Variants in ZKSCAN2 observed in about 807,000 individuals in gnomAD.
The protein encoded by ZKSCAN2 is zinc finger protein with KRAB and SCAN domains 2.
A neutral mutation model predicts 90.5 loss-of-function variants in ZKSCAN2; 38 were observed. The ratio of observed to expected loss-of-function variants is 0.42; its 90% CI spans 0.32 to 0.55. The LOEUF (loss-of-function observed/expected upper bound fraction) is 0.55. Among genes scored for constraint, ZKSCAN2 ranks in the 20% least tolerant of loss-of-function variants. ZKSCAN2 has a pLI of 0.11. For synonymous variants in ZKSCAN2, 429 were observed against 421.6 expected (o/e 1.02, Z -0.22); for missense variants, 1,167 against 1,202.6 (o/e 0.97, Z 0.44).
chr16:25,237,786 A>G lies in ZKSCAN2; in HGVS notation c.*2030T>C, dbSNP rs563065670. On this transcript the variant is annotated 3_prime_UTR_variant, in exon 7 of 7. Coordinates refer to ENST00000328086, the MANE Select transcript of ZKSCAN2 (RefSeq NM_001012981.5). The stretch of plus-strand genomic sequence containing the variant: ...CTTTCCTGAATCATGCTTCCACATA[A>G]TATCAATCCTGTGTACATATTATTA... The G allele has an allele frequency of 2.0e-5, 3 of 152,268 alleles. No homozygotes were observed. The highest frequency in any genetic ancestry group is 1.3e-4 in the Admixed American group (2 of 15,290). The allele number at this position is 152,268 out of a possible 1,614,324, so 9.4% of individuals were successfully genotyped here. A position where few individuals can be genotyped will look rare whatever the true frequency, so the allele number is the denominator to read the frequency against.
rs1963110908 is a variant in ZKSCAN2 at position 25,256,872 on chromosome 16, C to T, written c.256G>A (p.Glu86Lys). The T allele has an allele frequency of 6.2e-7, 1 of 1,614,104 alleles. No individual in the cohort carries two copies. The highest frequency in any genetic ancestry group is 1.3e-5 in the African/African-American group (1 of 74,924). ...AGAAACTGCTCAATCACCAGCAGCTCAAGTATTTGCTCCTTGGAACGCATT... is the reference window on the plus strand; with the variant it reads ...AGAAACTGCTCAATCACCAGCAGCTTAAGTATTTGCTCCTTGGAACGCATT... ...PEMRSKEQIL[E>K]LLVIEQFLTI... is the part of the protein sequence containing the mutation. The change falls in exon 1 of 7, where the codon GAG (glutamate) becomes AAG (lysine). Residue 86 changes from glutamate (E) to lysine (K), a missense_variant. Transcript: ENST00000328086.
rs115715802 is a variant in ZKSCAN2, at chr16:25,243,639, A to G, written c.1981+146T>C. 4.7e-3 allele frequency: 4,906 copies of G among 1,036,650 alleles called. 167 individuals carry two copies. The African/African-American group carries it at 0.07, about 15-fold the overall frequency. 64.2% of individuals were successfully genotyped at this position (1,036,650 alleles called of 1,614,324 possible). On this transcript the variant is annotated intron_variant, in intron 6 of 6. Coordinates refer to ENST00000328086, the MANE Select transcript of ZKSCAN2 (RefSeq NM_001012981.5). ...CCACCATGCCAAGAACATCACTGCT[A>G]TATCCCCTGTTCTTCAAGTAGCACA...
chr16:25,247,487 C>T, intron 4 of ZKSCAN2, 97 bp from the exon 5 acceptor site: 2 of 1,005,460 alleles, frequency 2.0e-6, no homozygotes, highest in Non-Finnish European at 2.9e-6. Context: ...CACTTGTTCA[C>T]ACCCAAACCT....
intron 1 of ZKSCAN2, among the ~76,000 whole-genome samples, chr16:25,256,374 C>T (rs970306765): frequency 2.0e-5 from 3 of 151,212 alleles, no homozygotes; most frequent in African/African-American, 4.9e-5. Flanking sequence ...AACAGAATAG[C>T]CTTTTTTGAT....
intron 5 of ZKSCAN2, 133 bp from the exon 6 acceptor site, chr16:25,244,409 G>A (rs938869264): frequency 1.1e-6 from 1 of 906,764 alleles, no homozygotes; most frequent in Non-Finnish European, 1.6e-6. Flanking sequence ...ATATGCCTAG[G>A]AATAAGCTTT....
chr16:25,251,786 C>T, intron 4 of ZKSCAN2, 123 bp downstream of exon 4: 1 of 1,181,532 alleles, frequency 8.5e-7, no homozygotes, highest in Non-Finnish European at 1.2e-6. Flanking sequence ...TAAGTGATTA[C>T]ACTAGACAAT....
Position 25,247,047 on chromosome 16 carries a change from T to G in ZKSCAN2, c.1149A>C (p.Glu383Asp), listed in dbSNP as rs1481198951. 2 of 1,614,216 alleles carry G rather than the reference T, an allele frequency of 1.2e-6. No homozygotes were observed. Among genetic ancestry groups the G allele is most frequent in the African/African-American group, 2.7e-5 (2 of 75,058 alleles). The change falls in exon 5 of 7, where the codon GAA (glutamate) becomes GAC (aspartate). Residue 383 changes from glutamate (E) to aspartate (D), a missense_variant. Physicochemically the swap from Glu to Asp is conservative, Grantham distance 45. Coordinates refer to ENST00000328086, the MANE Select transcript of ZKSCAN2 (RefSeq NM_001012981.5). ...GTTCTGGGGTTCTAAGGAAGCCACA[T>G]TCTCGCAACCATTCAGCCACAGCAC... is the stretch of plus-strand genomic sequence containing the variant. ...VYGAVAEWLR[E>D]CGFLRTPEQC...
intron 1 of ZKSCAN2, among the ~76,000 whole-genome samples, chr16:25,256,520 A>C (rs1365604048): frequency 6.6e-6 from 1 of 152,098 alleles, no homozygotes; most frequent in Non-Finnish European, 1.5e-5. Context: ...ATAATATTTC[A>C]ATCAAAGCTT....
Position 25,257,550 on chromosome 16 carries a change from C to T in ZKSCAN2, c.-423G>A. The T allele has an allele frequency of 1.0e-6, 1 of 981,564 alleles. No individual in the cohort carries two copies. Among genetic ancestry groups the T allele is most frequent in the Non-Finnish European group, 1.2e-6 (1 of 826,080 alleles). The allele number at this position is 981,564 out of a possible 1,614,324, so 60.8% of individuals were successfully genotyped here. Reference sequence around the variant, plus strand: ...GAGGCGAGTCCCCGAGTGGGTGGGGCCGGATGTGCAGGCCCCGCCCGGCGC... The same window carrying T: ...GAGGCGAGTCCCCGAGTGGGTGGGGTCGGATGTGCAGGCCCCGCCCGGCGC... On this transcript the variant is annotated 5_prime_UTR_variant, in exon 1 of 7. Coordinates refer to ENST00000328086, the MANE Select transcript of ZKSCAN2 (RefSeq NM_001012981.5).
chr16:25,239,190 G>A lies in ZKSCAN2; in HGVS notation c.*626C>T, dbSNP rs1319061264. ...TCAATTGCTTCTCACCTCCATGGAG[G>A]GCAAGGCATTAGTAACAGGATTTCA... On this transcript the variant is annotated 3_prime_UTR_variant, in exon 7 of 7. Transcript: ENST00000328086. The A allele has an allele frequency of 6.6e-6, 1 of 152,270 alleles. No homozygotes were observed. Among genetic ancestry groups the A allele is most frequent in the Non-Finnish European group, 1.5e-5 (1 of 68,030 alleles). 9.4% of individuals were successfully genotyped at this position (152,270 alleles called of 1,614,324 possible).
chr16:25,239,858 GT>G lies in ZKSCAN2; in HGVS notation c.2861del (p.Asn954ThrfsTer30). 1.2e-6 allele frequency: 2 copies of G among 1,605,808 alleles called. No individual in the cohort carries two copies. Among genetic ancestry groups the G allele is most frequent in the Non-Finnish European group, 1.7e-6 (2 of 1,177,736 alleles). On this transcript the variant is annotated frameshift_variant, in exon 7 of 7. Coordinates refer to ENST00000328086, the MANE Select transcript of ZKSCAN2 (RefSeq NM_001012981.5). LOFTEE classifies it high-confidence loss of function. ...ATTCATCAGTCTTTCCCTTATGTGG[GT>G]TCTCAGGGCAATACAGAGATGGAGG... Reference protein sequence around the residue: ...PHPPSLYCPENPHKGKTDEFR... With the variant: ...PHPPSLYCPEXPHKGKTDEFR...
chr16:25,237,135 T>TA lies in ZKSCAN2; in HGVS notation c.*2680dup, dbSNP rs996749656. On this transcript the variant is annotated 3_prime_UTR_variant, in exon 7 of 7. Coordinates refer to ENST00000328086, the MANE Select transcript of ZKSCAN2 (RefSeq NM_001012981.5). The stretch of plus-strand genomic sequence containing the variant: ...GCTTTCCTTGGCACTGAGATCTAGA[T>TA]AAAAAAACCTTTTTCTATGAATCTT... 5.2e-5 allele frequency: 8 copies of TA among 152,506 alleles called. No homozygotes were observed. The highest frequency in any genetic ancestry group is 1.7e-4 in the African/African-American group (7 of 41,432). 9.4% of individuals were successfully genotyped at this position (152,506 alleles called of 1,614,324 possible). A position where few individuals can be genotyped will look rare whatever the true frequency, so the allele number is the denominator to read the frequency against.
chr16:25,256,804 C>T lies in ZKSCAN2; in HGVS notation c.324G>A (p.Gln108=), dbSNP rs776117822. The T allele has an allele frequency of 2.5e-6, 4 of 1,614,106 alleles. No homozygotes were observed. In the African/African-American group the frequency reaches 4.0e-5, roughly 16 times the overall value. Residue 108 remains glutamine, a synonymous_variant, in exon 1 of 7, where the codon CAG becomes CAA. Transcript: ENST00000328086. ...PEKIQAWAQK[Q]CPQSGEEAVA... ...CCGCTTCCTCTCCACTTTGCGGACACTGCTTCTGTGCCCAAGCCTGAATCT... is the reference window on the plus strand; with the variant it reads ...CCGCTTCCTCTCCACTTTGCGGACATTGCTTCTGTGCCCAAGCCTGAATCT...
Position 25,253,011 on chromosome 16 carries a change from G to C in ZKSCAN2, c.613C>G (p.Leu205Val), listed in dbSNP as rs367736337. Residue 205 changes from leucine to valine, a missense_variant, in exon 3 of 7, where the codon CTT (leucine) becomes GTT (valine). Coordinates refer to ENST00000328086, the MANE Select transcript of ZKSCAN2 (RefSeq NM_001012981.5). ...TCTAGGGTATTCCATTCATCAGCAA[G>C]GGCAGGAACCCAGGGAGAAGGCCGA... is the stretch of plus-strand genomic sequence containing the variant. ...NARPSPWVPA[L>V]ADEWNTLDQE... 3.8e-5 allele frequency: 61 copies of C among 1,614,084 alleles called. No homozygotes were observed. Among genetic ancestry groups the C allele is most frequent in the Non-Finnish European group, 5.1e-5 (60 of 1,179,976 alleles).
chr16:25,252,172 C>A, intron 3 of ZKSCAN2, 137 bp from the exon 4 acceptor site: 3 of 934,172 alleles, frequency 3.2e-6, no homozygotes, highest in Middle Eastern at 2.9e-4. Flanking sequence ...CCAAATGAAG[C>A]AGAAGAGAAA....
chr16:25,241,921 G>A (rs910262438), intron 6 of ZKSCAN2, among the ~76,000 whole-genome samples: 2 of 152,212 alleles, frequency 1.3e-5, no homozygotes, highest in South Asian at 4.1e-4. Context: ...CCAGGCTGGA[G>A]TGCAGTGGCA....
intron 6 of ZKSCAN2, among the ~76,000 whole-genome samples, chr16:25,241,722 G>A (rs1421661148): frequency 6.6e-6 from 1 of 152,168 alleles, no homozygotes; most frequent in African/African-American, 2.4e-5. Context: ...CTCCTGCCTT[G>A]TTTCTACTGC....
Position 25,250,511 on chromosome 16 carries a change from A to G in ZKSCAN2, c.805+1398T>C, listed in dbSNP as rs377481715. On this transcript the variant is annotated intron_variant, in intron 4 of 6. Transcript: ENST00000328086. ...TGATGGTCAAAGCGTATAAGCTTTC[A>G]GTTATAAGATTAAAAAATTCTAATG... Among the ~76,000 whole-genome samples, 8 of 152,334 alleles carry G rather than the reference A, an allele frequency of 5.3e-5. 1 individual carries two copies.
intron 2 of ZKSCAN2, among the ~76,000 whole-genome samples, chr16:25,253,903 G>A (rs1231369135): frequency 2.0e-5 from 3 of 152,228 alleles, no homozygotes; most frequent in African/African-American, 7.2e-5. Context: ...AGCTACTCGA[G>A]AGACTGAGGC....
Sources: gnomAD v4.1 joint callset for allele counts (sites outside exome capture counted in the v4.1 genomes callset) on GRCh38, gnomAD v4.1.1 for gene constraint, MANE v1.5 for transcripts, NCBI Gene and HGNC (gene_info 2026-07-23, HGNC 2026-07-21) for gene names.